CTNNA2: variants seen among roughly 807,000 people sequenced by gnomAD.
CTNNA2 encodes the protein catenin alpha-2.
CTNNA2 carries 42 observed loss-of-function variants against 101.0 expected under a neutral mutation model. The observed-to-expected ratio is 0.42, with a 90% CI of 0.32 to 0.54. The LOEUF (loss-of-function observed/expected upper bound fraction) is 0.54. Ranked by LOEUF, CTNNA2 falls within the 20% of genes least tolerant of loss-of-function variation. The pLI is 0.14. For synonymous variants in CTNNA2, 450 were observed against 456.4 expected (o/e 0.99, Z 0.18); for missense variants, 871 against 1,223.1 (o/e 0.71, Z 4.29).
At chr2:79,455,810 A>C (rs1414676530) in intron 4 of CTNNA2, among the ~76,000 whole-genome samples, 10 of 152,202 alleles carry the variant, frequency 6.6e-5, no homozygotes, top group Non-Finnish European at 7.3e-5. Context: ...TGTTTCATAC[A>C]CTTAGATACT....
At chr2:80,629,982 T>C (rs1672108140) in intron 18 of CTNNA2, among the ~76,000 whole-genome samples, 1 of 152,170 alleles carries the variant, frequency 6.6e-6, no homozygotes, top group African/African-American at 2.4e-5. Context: ...CAGATTTAGC[T>C]GCCAACCTCG....
rs1221397039 is a variant in CTNNA2 at position 80,604,064 on chromosome 2, G to A, written c.2190-10G>A. 1.2e-6 allele frequency: 2 copies of A among 1,608,834 alleles called. No individual in the cohort carries two copies. The highest frequency in any genetic ancestry group is 1.7e-6 in the Non-Finnish European group (2 of 1,176,008). The stretch of plus-strand genomic sequence containing the variant: ...GTGGATTTCTAATTATGTTGTATAT[G>A]TTGTTTCAGAGGCAAAGGCCCATTG... On this transcript the variant is annotated splice_polypyrimidine_tract_variant and intron_variant, in intron 15 of 18. Coordinates refer to ENST00000402739, the MANE Select transcript of CTNNA2 (RefSeq NM_001282597.3).
At chr2:80,287,125 G>T (rs1674838609) in intron 7 of CTNNA2, among the ~76,000 whole-genome samples, 1 of 152,178 alleles carries the variant, frequency 6.6e-6, no homozygotes. Flanking sequence ...ACCATGGTGA[G>T]CTGAGGGCGT....
intron 17 of CTNNA2, 49 bp from the exon 18 acceptor site, chr2:80,619,036 C>G: frequency 1.3e-4 from 97 of 748,898 alleles, no homozygotes; most frequent in Non-Finnish European, 1.5e-4. Flanking sequence ...TTTTTTTTTT[C>G]TTTTGCTCTC....
intron 3 of CTNNA2, among the ~76,000 whole-genome samples, chr2:79,761,440 G>T (rs557452972): frequency 1.2e-4 from 18 of 152,278 alleles, no homozygotes; most frequent in South Asian, 2.1e-4. Flanking sequence ...AATATTTTTA[G>T]TGTTTCTGCC....
At chr2:79,470,356 A>G (rs1209566150) in intron 4 of CTNNA2, among the ~76,000 whole-genome samples, 2 of 152,178 alleles carry the variant, frequency 1.3e-5, no homozygotes, top group Non-Finnish European at 2.9e-5. Context: ...TAACAACAAT[A>G]AAAAGCTTTT....
chr2:80,296,588 A>G (rs1362925351), intron 7 of CTNNA2, among the ~76,000 whole-genome samples: 2 of 152,246 alleles, frequency 1.3e-5, no homozygotes, highest in African/African-American at 4.8e-5. Context: ...CTTAAAAGGA[A>G]TAAGTCTAGG....
At chr2:79,830,804 C>G (rs900819393) in intron 3 of CTNNA2, among the ~76,000 whole-genome samples, 3 of 152,158 alleles carry the variant, frequency 2.0e-5, no homozygotes, top group Admixed American at 1.3e-4. Flanking sequence ...CAATCCGATG[C>G]CCGTTTCTAT....
intron 12 of CTNNA2, among the ~76,000 whole-genome samples, chr2:80,565,978 A>G (rs901822169): frequency 6.6e-6 from 1 of 152,172 alleles, no homozygotes; most frequent in Non-Finnish European, 1.5e-5. Context: ...CCTGGAACCA[A>G]TAAATATGCT....
At chr2:80,297,370 G>C (rs1456803211) in intron 7 of CTNNA2, among the ~76,000 whole-genome samples, 1 of 152,156 alleles carries the variant, frequency 6.6e-6, no homozygotes, top group Non-Finnish European at 1.5e-5. Flanking sequence ...ACTTCTGTAA[G>C]CCTCAGGTTC....
rs77088085 is a variant in CTNNA2, at chr2:80,106,370, T to G, written c.1056+196573T>G. Among the ~76,000 whole-genome samples the G allele has an allele frequency of 7.4e-4, 113 of 152,260 alleles. No homozygotes were observed. The East Asian group carries it at 0.021, about 28-fold the overall frequency. The stretch of plus-strand genomic sequence containing the variant: ...TGAAACAAGAACTCAAGGTGCAACG[T>G]TACAAGTGGATACATTTTCACAATA... On this transcript the variant is annotated intron_variant, in intron 7 of 18. Transcript: ENST00000402739.
At chr2:80,518,904 C>A (rs1689304825) in intron 9 of CTNNA2, among the ~76,000 whole-genome samples, 1 of 152,132 alleles carries the variant, frequency 6.6e-6, no homozygotes, top group African/African-American at 2.4e-5. Flanking sequence ...TGTGCATTTT[C>A]TTTTCCTGGT....
intron 2 of CTNNA2, among the ~76,000 whole-genome samples, chr2:79,198,270 G>A (rs1258971555): frequency 1.3e-5 from 2 of 152,118 alleles, no homozygotes; most frequent in Admixed American, 1.3e-4. Context: ...TTACTAACTT[G>A]AGAAAGGTAA....
At chr2:79,215,790 A>G (rs1162578659) in intron 2 of CTNNA2, among the ~76,000 whole-genome samples, 2 of 152,066 alleles carry the variant, frequency 1.3e-5, no homozygotes, top group Non-Finnish European at 2.9e-5. Context: ...ACAGAACGAA[A>G]CTGTAAGCCA....
chr2:79,411,810 A>G (rs548818495), intron 4 of CTNNA2, among the ~76,000 whole-genome samples: 25 of 152,148 alleles, frequency 1.6e-4, no homozygotes, highest in South Asian at 4.1e-4. Context: ...TGTAAAGACT[A>G]TCAAGACTAG....
intron 1 of CTNNA2, among the ~76,000 whole-genome samples, chr2:79,635,205 G>C (rs1460828231): frequency 6.6e-6 from 1 of 152,036 alleles, no homozygotes; most frequent in East Asian, 1.9e-4. Context: ...TATTGTAGGA[G>C]GTAAGAGAAA....
chr2:79,288,337 G>A (rs1434159050), intron 2 of CTNNA2, among the ~76,000 whole-genome samples: 2 of 152,208 alleles, frequency 1.3e-5, no homozygotes, highest in Non-Finnish European at 2.9e-5. Flanking sequence ...TCTCTGCATA[G>A]TAAACTACCT....
Position 79,869,927 on chromosome 2 carries a change from A to C in CTNNA2, c.577A>C (p.Arg193=). 6.2e-7 allele frequency: 1 copy of C among 1,613,704 alleles called. No individual in the cohort carries two copies. Among genetic ancestry groups the C allele is most frequent in the Non-Finnish European group, 8.5e-7 (1 of 1,179,948 alleles). The change falls in exon 5 of 19, where the codon AGA becomes CGA. Residue 193 remains arginine (R), a synonymous_variant. Coordinates refer to ENST00000402739, the MANE Select transcript of CTNNA2 (RefSeq NM_001282597.3). The stretch of plus-strand genomic sequence containing the variant: ...GAAACTTAACTATGTAGCAGCAAGA[A>C]GACAACAGGTGGGAAAGATTTTAGA... ...MVKLNYVAAR[R]QQELKDPHCR... is the part of the protein sequence containing the mutation.
At chr2:79,996,014 T>C (rs1221174107) in intron 7 of CTNNA2, among the ~76,000 whole-genome samples, 6 of 152,314 alleles carry the variant, frequency 3.9e-5, no homozygotes, top group South Asian at 2.1e-4. Flanking sequence ...GCAGGCTTAT[T>C]CTGGATTGGA....
Sources: gnomAD v4.1 joint callset for allele counts (sites outside exome capture counted in the v4.1 genomes callset) on GRCh38, gnomAD v4.1.1 for gene constraint, MANE v1.5 for transcripts, NCBI Gene and HGNC (gene_info 2026-07-23, HGNC 2026-07-21) for gene names.